The following HSD17B11 variants were observed in gnomAD, a reference collection of about 807,000 sequenced individuals.
HSD17B11 encodes hydroxysteroid 17-beta dehydrogenase 11, also known as estradiol 17-beta-dehydrogenase 11.
HSD17B11 carries 22 observed loss-of-function variants against 27.8 expected under a neutral mutation model. The observed-to-expected ratio is 0.79, with a 90% CI of 0.56 to 1.13. The LOEUF (loss-of-function observed/expected upper bound fraction) is 1.13, where lower values mean the gene tolerates loss of function less well. HSD17B11 is among the 50% of genes most tolerant of loss of function. The probability of loss-of-function intolerance (pLI) is 0.00; values close to 1 mark genes in which losing one functional copy is unlikely to be tolerated. For synonymous variants in HSD17B11, 117 were observed against 132.8 expected, an observed-to-expected ratio of 0.88 and a Z score of 0.82; for missense variants, 314 against 351.1, an observed-to-expected ratio of 0.89 and a Z score of 0.84.
At chr4:87,355,184 G>T (rs960494878) in intron 5 of HSD17B11, among the ~76,000 whole-genome samples, 6 of 152,002 alleles carry the variant, frequency 3.9e-5, no homozygotes, top group Non-Finnish European at 7.3e-5. Context: ...ATCCAAGTAA[G>T]CATGTGAACT....
chr4:87,347,310 T>G, intron 5 of HSD17B11, among the ~76,000 whole-genome samples: 1 of 57,734 alleles, frequency 1.7e-5, no homozygotes, highest in Admixed American at 1.8e-4. Context: ...GAGTGTGATA[T>G]TCCCCTTCCT....
chr4:87,382,470 T>C, intron 1 of HSD17B11, 108 bp from the exon 2 acceptor site: 2 of 703,690 alleles, frequency 2.8e-6, no homozygotes, highest in Non-Finnish European at 4.7e-6. Context: ...ATTCTTTCCA[T>C]TTGAATTGGG....
In HSD17B11 at chr4:87,339,629, C is replaced by T. The variant is rs576622457; in HGVS notation, c.812+861G>A. Among the ~76,000 whole-genome samples the T allele has an allele frequency of 5.9e-5, 9 of 152,332 alleles. No homozygotes were observed. The East Asian group carries it at 1.5e-3, about 26-fold the overall frequency. On this transcript the variant is annotated intron_variant, in intron 6 of 6. Coordinates refer to ENST00000358290, the MANE Select transcript of HSD17B11 (RefSeq NM_016245.5). Reference sequence around the variant, plus strand: ...TCTCCCCTTTCCCCTCCTTATGTGGCCAGCCTCATTGCCACACAGCTTTCC... The same window carrying T: ...TCTCCCCTTTCCCCTCCTTATGTGGTCAGCCTCATTGCCACACAGCTTTCC...
intron 5 of HSD17B11, among the ~76,000 whole-genome samples, chr4:87,346,515 T>G (rs1735272980): frequency 6.6e-6 from 1 of 152,080 alleles, no homozygotes; most frequent in Admixed American, 6.5e-5. Flanking sequence ...CTGGGCATGG[T>G]GGCACGCACC....
chr4:87,378,781 G>GTA lies in HSD17B11; in HGVS notation c.318+3472_318+3473dup, dbSNP rs200904494. Among the ~76,000 whole-genome samples the GTA allele has an allele frequency of 3.3e-4, 38 of 114,486 alleles. No homozygotes were observed. In the East Asian group the frequency reaches 7.0e-3, roughly 21 times the overall value. 75.1% of individuals were successfully genotyped at this position (114,486 alleles called of 152,430 possible). ...AAATAAGAGAGAATATGTTTTGCGT[G>GTA]TATATATATATGATTTTATATATAT... is the stretch of plus-strand genomic sequence containing the variant. On this transcript the variant is annotated intron_variant, in intron 2 of 6. Coordinates refer to ENST00000358290, the MANE Select transcript of HSD17B11 (RefSeq NM_016245.5).
At chr4:87,340,628 A>C (rs367971692) in intron 5 of HSD17B11, 22 bp from the exon 6 acceptor site, 8 of 1,518,882 alleles carry the variant, frequency 5.3e-6, no homozygotes, top group Non-Finnish European at 7.3e-6. Flanking sequence ...GTCAGTCTTC[A>C]GAAACAAAAT....
intron 2 of HSD17B11, among the ~76,000 whole-genome samples, chr4:87,378,844 A>T (rs1255431088): frequency 4.0e-5 from 1 of 24,806 alleles, no homozygotes; most frequent in South Asian, 7.0e-4. Flanking sequence ...ATATATATAT[A>T]AATATATATA....
intron 5 of HSD17B11, among the ~76,000 whole-genome samples, chr4:87,353,764 T>G (rs1735329487): frequency 6.6e-6 from 1 of 152,194 alleles, no homozygotes; most frequent in Non-Finnish European, 1.5e-5. Flanking sequence ...CAATTATAAC[T>G]TTTGAAAATA....
intron 1 of HSD17B11, among the ~76,000 whole-genome samples, chr4:87,389,732 G>T (rs111643924): frequency 4.3e-4 from 66 of 152,140 alleles, no homozygotes; most frequent in Non-Finnish European, 5.6e-4. Flanking sequence ...CAACTAGTGT[G>T]TAATGGATAA....
chr4:87,367,257 A>G (rs1433722205), intron 4 of HSD17B11, among the ~76,000 whole-genome samples: 3 of 152,226 alleles, frequency 2.0e-5, no homozygotes, highest in Non-Finnish European at 2.9e-5. Flanking sequence ...TTGTAAAGCC[A>G]ATAAAAGCCC....
intron 4 of HSD17B11, among the ~76,000 whole-genome samples, chr4:87,361,683 C>T (rs1321710734): frequency 1.3e-5 from 2 of 152,298 alleles, no homozygotes; most frequent in East Asian, 1.9e-4. Flanking sequence ...AGGAGAATGG[C>T]GTGAACCCGG....
intron 5 of HSD17B11, among the ~76,000 whole-genome samples, chr4:87,343,547 CT>C (rs11369073): frequency 0.066 from 8,335 of 125,414 alleles, 588 homozygotes; most frequent in African/African-American, 0.22. Context: ...CATTTCAACT[CT>C]TTTTTTTTTT....
At chr4:87,372,060 G>A (rs1480544396) in intron 4 of HSD17B11, among the ~76,000 whole-genome samples, 1 of 152,024 alleles carries the variant, frequency 6.6e-6, no homozygotes, top group Non-Finnish European at 1.5e-5. Flanking sequence ...GGCTAACACA[G>A]TGAAACCCCG....
intron 4 of HSD17B11, among the ~76,000 whole-genome samples, chr4:87,368,093 G>C (rs1735641675): frequency 6.6e-6 from 1 of 152,022 alleles, no homozygotes; most frequent in Admixed American, 6.6e-5. Context: ...CGAGGCGGGT[G>C]GATCACAAGG....
chr4:87,338,247 C>T (rs1735092728), intron 6 of HSD17B11, among the ~76,000 whole-genome samples: 1 of 151,996 alleles, frequency 6.6e-6, no homozygotes, highest in Non-Finnish European at 1.5e-5. Flanking sequence ...ATGTCTTGAA[C>T]AGTGACGGAC....
At position 87,372,781 on chromosome 4, in the gene HSD17B11, T is replaced by C; in HGVS notation, c.485A>G (p.Asn162Ser). Residue 162 changes from asparagine (N) to serine (S), a missense_variant, in exon 4 of 7, where the codon AAT becomes AGT. Coordinates refer to ENST00000358290, the MANE Select transcript of HSD17B11 (RefSeq NM_016245.5). ...TKAFLPAMTK[N>S]NHGHIVTVAS... ...CACAGTGACAATATGGCCATGGTTA[T>C]TCTTCGTCATTGCAGGAAGAAATGC... 6.2e-7 allele frequency: 1 copy of C among 1,613,806 alleles called. No homozygotes were observed.
At chr4:87,344,664 C>T (rs1735235555) in intron 5 of HSD17B11, among the ~76,000 whole-genome samples, 1 of 152,132 alleles carries the variant, frequency 6.6e-6, no homozygotes, top group African/African-American at 2.4e-5. Context: ...TAACAGATGC[C>T]TCACACCATC....
intron 5 of HSD17B11, among the ~76,000 whole-genome samples, chr4:87,352,853 C>T (rs10433944): frequency 1.2e-4 from 6 of 49,580 alleles, no homozygotes; most frequent in Non-Finnish European, 7.4e-5. Context: ...GTCTGAAAAG[C>T]GCAATATTCG....
chr4:87,382,138 T>G, intron 2 of HSD17B11, 117 bp downstream of exon 2: 1 of 740,742 alleles, frequency 1.3e-6, no homozygotes. Flanking sequence ...TTCTATAACC[T>G]TGGTCAAATA....
Sources: gnomAD v4.1 joint callset for allele counts (sites outside exome capture counted in the v4.1 genomes callset) on GRCh38, gnomAD v4.1.1 for gene constraint, MANE v1.5 for transcripts, NCBI Gene and HGNC (gene_info 2026-07-23, HGNC 2026-07-21) for gene names.